DPH6: variants seen among roughly 807,000 people sequenced by gnomAD.
The protein encoded by DPH6 is diphthine--ammonia ligase.
A neutral mutation model predicts 38.2 loss-of-function variants in DPH6; 33 were observed. The observed-to-expected ratio is 0.86, with a 90% CI of 0.65 to 1.15. The LOEUF is 1.15. Ranked by LOEUF, DPH6 falls within the 50% of genes most tolerant of loss-of-function variation. The pLI is 0.00. For synonymous variants in DPH6, 108 were observed against 103.0 expected, an observed-to-expected ratio of 1.05 and a Z score of -0.30; for missense variants, 325 against 320.0, an observed-to-expected ratio of 1.02 and a Z score of -0.12.
At chr15:35,502,466 T>C (rs1254690260) in intron 3 of DPH6, among the ~76,000 whole-genome samples, 3 of 152,088 alleles carry the variant, frequency 2.0e-5, no homozygotes, top group Admixed American at 6.6e-5. Flanking sequence ...TTGTTTTATA[T>C]TGATGAATCT....
At chr15:35,228,276 C>T (rs1389643056) in intron 3 of DPH6, among the ~76,000 whole-genome samples, 1 of 152,194 alleles carries the variant, frequency 6.6e-6, no homozygotes, top group Admixed American at 6.5e-5. Context: ...TGTTATTGTA[C>T]TGCCCATGTC....
chr15:35,387,697 C>T (rs1266229029), intron 6 of DPH6, among the ~76,000 whole-genome samples: 1 of 152,048 alleles, frequency 6.6e-6, no homozygotes, highest in Non-Finnish European at 1.5e-5. Flanking sequence ...GATTTTGTAT[C>T]CTGAGACTTT....
chr15:35,295,554 T>C (rs1239074690), intron 3 of DPH6, among the ~76,000 whole-genome samples: 2 of 152,212 alleles, frequency 1.3e-5, no homozygotes, highest in Admixed American at 1.3e-4. Flanking sequence ...CCATTACTCC[T>C]GTCATCATCC....
At chr15:35,358,725 G>A (rs2052589361) in intron 3 of DPH6, among the ~76,000 whole-genome samples, 1 of 152,190 alleles carries the variant, frequency 6.6e-6, no homozygotes, top group Non-Finnish European at 1.5e-5. Context: ...ACTGAGTCCT[G>A]TGATGTGAAC....
chr15:35,517,752 C>T (rs1490411697), intron 3 of DPH6, among the ~76,000 whole-genome samples: 2 of 152,020 alleles, frequency 1.3e-5, no homozygotes, highest in African/African-American at 4.8e-5. Flanking sequence ...CAACAATTTA[C>T]TGAATATTGA....
At chr15:35,168,920 T>C in the DPH6 span, among the ~76,000 whole-genome samples, 4 of 152,092 alleles carry the variant, frequency 2.6e-5, no homozygotes, top group Non-Finnish European at 5.9e-5. Context: ...TTTAAATCTA[T>C]TAGAGAATGT....
At chr15:35,220,605 G>A (rs73391442) in intron 3 of DPH6, 25,641 of 152,038 alleles carry the variant, frequency 0.17, 2,383 homozygotes, top group South Asian at 0.29. Context: ...AAAGAGGCAG[G>A]AGACAGGAGT....
chr15:35,442,245 A>T (rs918020844), intron 5 of DPH6, among the ~76,000 whole-genome samples: 1 of 152,188 alleles, frequency 6.6e-6, no homozygotes, highest in Admixed American at 6.5e-5. Flanking sequence ...TCTAAAGAAG[A>T]TATACAAAGG....
downstream of DPH6, among the ~76,000 whole-genome samples, chr15:35,327,202 C>T (rs988207778): frequency 5.9e-5 from 9 of 152,160 alleles, no homozygotes; most frequent in African/African-American, 2.2e-4. Context: ...CAAGCTTTTG[C>T]AGCATATTAA....
chr15:35,539,198 A>C (rs997023905), intron 2 of DPH6, among the ~76,000 whole-genome samples: 1 of 152,016 alleles, frequency 6.6e-6, no homozygotes, highest in African/African-American at 2.4e-5. Context: ...AGACCTTTAG[A>C]TCTCGTAACC....
intron 6 of DPH6, among the ~76,000 whole-genome samples, chr15:35,393,644 G>C (rs1332384392): frequency 6.6e-6 from 1 of 151,994 alleles, no homozygotes; most frequent in African/African-American, 2.4e-5. Context: ...CCGGAATGAA[G>C]GTCTTATGAC....
intron 3 of DPH6, among the ~76,000 whole-genome samples, chr15:35,473,535 G>C (rs1354963420): frequency 6.6e-6 from 1 of 152,046 alleles, no homozygotes; most frequent in Non-Finnish European, 1.5e-5. Context: ...AAATCAGACT[G>C]TCTTTTTCAC....
At chr15:35,507,222 A>G (rs2054706287) in intron 3 of DPH6, among the ~76,000 whole-genome samples, 2 of 152,130 alleles carry the variant, frequency 1.3e-5, no homozygotes. Context: ...CTAAACTGAA[A>G]AAAGAAAACA....
intron 5 of DPH6, among the ~76,000 whole-genome samples, chr15:35,422,355 G>A (rs936206550): frequency 6.6e-6 from 1 of 151,848 alleles, no homozygotes; most frequent in South Asian, 2.1e-4. Context: ...AGATTCTAAT[G>A]AACTCATAGT....
At chr15:35,270,726 A>G (rs112092493) in intron 3 of DPH6, among the ~76,000 whole-genome samples, 151 of 152,326 alleles carry the variant, frequency 9.9e-4, no homozygotes, top group African/African-American at 3.5e-3. Context: ...GGGAATGACA[A>G]CTTCCTAGAA....
At chr15:35,475,078 C>A (rs1253650134) in intron 3 of DPH6, among the ~76,000 whole-genome samples, 1 of 151,954 alleles carries the variant, frequency 6.6e-6, no homozygotes, top group Non-Finnish European at 1.5e-5. Flanking sequence ...CACTGAACCA[C>A]CGCAGACCTA....
At chr15:35,449,067 T>C (rs1213669075) in intron 5 of DPH6, among the ~76,000 whole-genome samples, 4 of 150,752 alleles carry the variant, frequency 2.7e-5, no homozygotes, top group African/African-American at 9.7e-5. Context: ...TAATTTTAAA[T>C]GGGAGGAAAA....
At chr15:35,303,366 C>A (rs2052067206) in intron 3 of DPH6, among the ~76,000 whole-genome samples, 1 of 151,600 alleles carries the variant, frequency 6.6e-6, no homozygotes, top group African/African-American at 2.4e-5. Flanking sequence ...AGAAGGCATA[C>A]TAGTCTTTAT....
chr15:35,218,348 T>C (rs927228386), exon 4 of DPH6: 2 of 152,204 alleles, frequency 1.3e-5, no homozygotes, highest in African/African-American at 4.8e-5. Context: ...ATGAATGCAT[T>C]CTGGGGTCTG....
Sources: allele counts gnomAD v4.1 joint callset (sites outside exome capture counted in the v4.1 genomes callset), GRCh38; gene constraint gnomAD v4.1.1; transcripts MANE v1.5; gene names NCBI Gene and HGNC (gene_info 2026-07-23, HGNC 2026-07-21).